Variants in HEG1 observed in about 807,000 individuals in gnomAD.
HEG1 encodes the protein heart development protein with EGF like domains 1.
In HEG1, 56 loss-of-function variants were observed where a neutral mutation model predicts 125.6. The ratio of observed to expected loss-of-function variants is 0.45; its 90% CI spans 0.36 to 0.56. The LOEUF is 0.56. Among genes scored for constraint, HEG1 ranks in the 20% least tolerant of loss-of-function variants. HEG1 has a pLI of 0.00. For missense variants in HEG1, 1,523 were observed against 1,670.0 expected (o/e 0.91, Z 1.53); for synonymous variants, 644 against 668.5 (o/e 0.96, Z 0.57).
At position 125,026,979 on chromosome 3, in the gene HEG1, G is replaced by A. The variant is rs192729324; in HGVS notation, c.913+226C>T. On this transcript the variant is annotated intron_variant, in intron 3 of 16. Transcript: ENST00000311127. ...CGCGTCACTGTACTCCAGCCTGGGCGACAAAAAAAGAAAAACTATGTTAAA... is the reference window on the plus strand; with the variant it reads ...CGCGTCACTGTACTCCAGCCTGGGCAACAAAAAAAGAAAAACTATGTTAAA... 2.1e-4 allele frequency among the ~76,000 whole-genome samples: 32 copies of A among 152,158 alleles called. No homozygotes were observed. In the East Asian group the frequency reaches 5.8e-3, roughly 28 times the overall value.
intron 9 of HEG1, among the ~76,000 whole-genome samples, chr3:125,002,630 C>T (rs1164993107): frequency 6.6e-6 from 1 of 152,202 alleles, no homozygotes; most frequent in African/African-American, 2.4e-5. Context: ...GGGTTTCAAA[C>T]AACTCAGAGG....
intron 14 of HEG1, among the ~76,000 whole-genome samples, chr3:124,983,423 C>A (rs1390634071): frequency 2.1e-5 from 3 of 140,416 alleles, no homozygotes; most frequent in African/African-American, 8.1e-5. Flanking sequence ...TGTAACCTCA[C>A]CCCCCAGCTC....
chr3:125,028,422 C>G (rs1044841166), intron 2 of HEG1, among the ~76,000 whole-genome samples: 3 of 152,206 alleles, frequency 2.0e-5, no homozygotes, highest in Non-Finnish European at 2.9e-5. Flanking sequence ...CCCAAGGGAG[C>G]CTGCTGGCCT....
At chr3:124,980,569 T>C (rs1579396657) in intron 14 of HEG1, among the ~76,000 whole-genome samples, 2 of 152,072 alleles carry the variant, frequency 1.3e-5, no homozygotes, top group Non-Finnish European at 2.9e-5. Flanking sequence ...CAGGCTGGAG[T>C]GCAATGGTGT....
chr3:125,031,817 T>TAC (rs112803867), intron 1 of HEG1, among the ~76,000 whole-genome samples: 18 of 132,718 alleles, frequency 1.4e-4, no homozygotes, highest in African/African-American at 4.1e-4. Context: ...CAGGCATGCA[T>TAC]ACACACACAC....
At chr3:125,017,351 G>A (rs1220548575) in intron 5 of HEG1, among the ~76,000 whole-genome samples, 1 of 152,098 alleles carries the variant, frequency 6.6e-6, no homozygotes, top group Admixed American at 6.5e-5. Context: ...CACCACAGCC[G>A]GCCATAAAGA....
intron 12 of HEG1, among the ~76,000 whole-genome samples, chr3:124,993,609 C>A (rs913005532): frequency 1.3e-5 from 2 of 152,232 alleles, no homozygotes; most frequent in Admixed American, 1.3e-4. Flanking sequence ...CCGGAAATTG[C>A]TTGCTTCTTC....
chr3:124,997,211 G>A (rs560052726), intron 12 of HEG1, among the ~76,000 whole-genome samples: 63 of 152,240 alleles, frequency 4.1e-4, no homozygotes, highest in Middle Eastern at 3.4e-3. Flanking sequence ...CTCAGGAGAG[G>A]AAACCGAGGC....
At chr3:125,052,126 G>A (rs2948829) in intron 1 of HEG1, among the ~76,000 whole-genome samples, 70,259 of 144,766 alleles carry the variant, frequency 0.49, 18,259 homozygotes, top group South Asian at 0.66. Context: ...AGAGTCCCTT[G>A]CCCCCTCCCG....
At chr3:125,015,099 G>A in intron 5 of HEG1, 1 of 893,616 alleles carries the variant, frequency 1.1e-6, no homozygotes, top group Non-Finnish European at 1.5e-6. Flanking sequence ...TGGGCTGTGG[G>A]AGCCAAGACG....
intron 16 of HEG1, 31 bp downstream of exon 16, chr3:124,973,700 C>T (rs1050372215): frequency 2.5e-6 from 4 of 1,577,082 alleles, no homozygotes; most frequent in African/African-American, 2.7e-5. Flanking sequence ...AACCGGGGGC[C>T]CTGGGGTCAT....
At position 125,010,517 on chromosome 3, in the gene HEG1, C is replaced by A; in HGVS notation, c.2995G>T (p.Glu999Ter). 6.4e-7 allele frequency: 1 copy of A among 1,559,788 alleles called. No individual in the cohort carries two copies. The highest frequency in any genetic ancestry group is 8.7e-7 in the Non-Finnish European group (1 of 1,151,204). The change falls in exon 7 of 17, where the codon GAA becomes TAA. Residue 999 changes from glutamate (E) to a stop codon, truncating the protein, a stop_gained. Coordinates refer to ENST00000311127, the MANE Select transcript of HEG1 (RefSeq NM_020733.2). LOFTEE classifies it high-confidence loss of function. Reference protein sequence around the residue: ...CAVNPCLHNGECVADNTSRGY... With the variant: ...CAVNPCLHNG Reference sequence around the variant, plus strand: ...CGGCTGGTGTTGTCTGCGACGCATTCGCCATTGTGAAGACAAGGGTTCACA... The same window carrying A: ...CGGCTGGTGTTGTCTGCGACGCATTAGCCATTGTGAAGACAAGGGTTCACA...
chr3:125,004,351 A>G (rs59190145), intron 9 of HEG1, among the ~76,000 whole-genome samples: 3,599 of 152,292 alleles, frequency 0.024, 158 homozygotes, highest in African/African-American at 0.083. Flanking sequence ...TTCTGAACCT[A>G]GAGTTTAAGA....
rs1936355300 is a variant in HEG1 at position 124,968,307 on chromosome 3, T to C, written c.*2345A>G. On this transcript the variant is annotated 3_prime_UTR_variant, in exon 17 of 17. Transcript: ENST00000311127. ...CTGGGTCACAGACATGCTTTACTCA[T>C]GTCCCCTTAGAGCCTCATGCTCTGG... The C allele has an allele frequency of 6.6e-6, 1 of 152,390 alleles. No homozygotes were observed. The allele number at this position is 152,390 out of a possible 1,614,324, so 9.4% of individuals were successfully genotyped here.
rs1370339816 is a variant in HEG1 at position 125,013,340 on chromosome 3, G to T, written c.2239C>A (p.Leu747Met). Residue 747 changes from leucine (L) to methionine (M), a missense_variant, in exon 6 of 17, where the codon CTG becomes ATG. Transcript: ENST00000311127. ...ACAGGAGTCTCCCTTGCCCTGGGCA[G>T]GACAGGGGTAGAAGATGACTGTGGC... ...TLPQSSSTPV[L>M]PRARETPVTS... 1 of 1,613,982 alleles carries T rather than the reference G, an allele frequency of 6.2e-7. No homozygotes were observed. The highest frequency in any genetic ancestry group is 2.2e-5 in the East Asian group (1 of 44,886).
chr3:124,983,956 C>G (rs566476735), intron 14 of HEG1, among the ~76,000 whole-genome samples: 1 of 152,206 alleles, frequency 6.6e-6, no homozygotes, highest in Non-Finnish European at 1.5e-5. Context: ...AGTAAAATGA[C>G]TGCTTTTAGC....
Position 125,055,956 on chromosome 3 carries a change from C to CGGGCAGT in HEG1, c.-67_-66insACTGCCC. The CGGGCAGT allele has an allele frequency of 1.9e-5, 17 of 872,854 alleles. No homozygotes were observed. The highest frequency in any genetic ancestry group is 2.3e-5 in the Non-Finnish European group (17 of 728,930). The allele number at this position is 872,854 out of a possible 1,614,324, so 54.1% of individuals were successfully genotyped here. The stretch of plus-strand genomic sequence containing the variant: ...GGCGAGGGCAGCGGGCAGCGGGCAG[C>CGGGCAGT]GGGCGGCGGGGGCCGCGCGGGGCCG... On this transcript the variant is annotated 5_prime_UTR_variant, in exon 1 of 17. Coordinates refer to ENST00000311127, the MANE Select transcript of HEG1 (RefSeq NM_020733.2).
Position 124,990,977 on chromosome 3 carries a change from T to C in HEG1, c.3662A>G (p.Asp1221Gly). 1.3e-6 allele frequency: 2 copies of C among 1,557,958 alleles called. No individual in the cohort carries two copies. Among genetic ancestry groups the C allele is most frequent in the Non-Finnish European group, 8.7e-7 (1 of 1,149,542 alleles). The part of the protein sequence containing the change: ...KMDHSCRACE[D>G]GYRLENETCM... ...GGTTTCATTTTCAAGCCTATATCCA[T>C]CTTCACATGCTGAAAGACAAAAGGA... is the stretch of plus-strand genomic sequence containing the variant. Residue 1221 changes from aspartate to glycine, a missense_variant, in exon 13 of 17, where the codon GAT becomes GGT. Physicochemically the swap from Asp to Gly is moderately conservative, Grantham distance 94 (BLOSUM62 -1). Transcript: ENST00000311127.
At chr3:125,027,563 T>C (rs1937436123) in intron 2 of HEG1, 56 bp from the exon 3 acceptor site, 1 of 1,455,274 alleles carries the variant, frequency 6.9e-7, no homozygotes, top group Non-Finnish European at 9.3e-7. Flanking sequence ...AATGTCTTAA[T>C]ATGCTTTTAG....
Sources: gnomAD v4.1 joint callset for allele counts (sites outside exome capture counted in the v4.1 genomes callset) on GRCh38, gnomAD v4.1.1 for gene constraint, MANE v1.5 for transcripts, NCBI Gene and HGNC (gene_info 2026-07-23, HGNC 2026-07-21) for gene names.